The following TENM4 variants were observed in gnomAD, a reference collection of about 807,000 sequenced individuals.
TENM4 encodes the protein teneurin transmembrane protein 4.
Under a neutral mutation model 243.3 loss-of-function variants are expected in TENM4, and 82 were observed. That is an observed-to-expected ratio of 0.34 (90% CI 0.28 to 0.40). The LOEUF is 0.40. Among genes scored for constraint, TENM4 ranks in the 10% least tolerant of loss-of-function variants. TENM4 has a pLI of 1.00. For synonymous variants in TENM4, 1,412 were observed against 1,456.3 expected, an observed-to-expected ratio of 0.97 and a Z score of 0.69; for missense variants, 3,138 against 3,673.3, an observed-to-expected ratio of 0.85 and a Z score of 3.77.
intron 2 of TENM4, among the ~76,000 whole-genome samples, chr11:79,261,736 C>A (rs1025935240): frequency 6.6e-6 from 1 of 152,078 alleles, no homozygotes; most frequent in Non-Finnish European, 1.5e-5. Flanking sequence ...GAGATGAAAC[C>A]ATTTAAAAAG....
intron 6 of TENM4, among the ~76,000 whole-genome samples, chr11:79,026,206 C>T (rs948078596): frequency 3.1e-4 from 46 of 150,588 alleles, no homozygotes; most frequent in African/African-American, 9.7e-4. Context: ...GGGTATTCTA[C>T]CAGTCCTACA....
chr11:78,911,921 G>C (rs1349700939), intron 6 of TENM4, among the ~76,000 whole-genome samples: 1 of 152,222 alleles, frequency 6.6e-6, no homozygotes, highest in East Asian at 1.9e-4. Context: ...CTGAGTCTCA[G>C]GCAGTAGCCA....
At chr11:79,421,019 G>A (rs1858919814) in intron 1 of TENM4, among the ~76,000 whole-genome samples, 1 of 152,176 alleles carries the variant, frequency 6.6e-6, no homozygotes, top group African/African-American at 2.4e-5. Context: ...GTCGAGGAGT[G>A]CACAAAGGTA....
chr11:79,132,729 A>T (rs1591305401), intron 4 of TENM4, among the ~76,000 whole-genome samples: 1 of 152,210 alleles, frequency 6.6e-6, no homozygotes, highest in Admixed American at 6.5e-5. Flanking sequence ...AAATTAAATA[A>T]CCTGCCTCTG....
At chr11:79,004,374 C>T (rs1303421925) in intron 6 of TENM4, among the ~76,000 whole-genome samples, 1 of 152,028 alleles carries the variant, frequency 6.6e-6, no homozygotes, top group African/African-American at 2.4e-5. Context: ...CACTTTAAAT[C>T]GACTACACAA....
At chr11:79,283,255 C>A (rs945745770) in intron 2 of TENM4, among the ~76,000 whole-genome samples, 1 of 148,224 alleles carries the variant, frequency 6.7e-6, no homozygotes, top group Non-Finnish European at 1.5e-5. Flanking sequence ...CACACAAGTA[C>A]AGATGAATAT....
chr11:79,179,434 T>C (rs1863238711), intron 3 of TENM4, among the ~76,000 whole-genome samples: 1 of 152,330 alleles, frequency 6.6e-6, no homozygotes, highest in South Asian at 2.1e-4. Flanking sequence ...AAGTCAGAAA[T>C]CTTCACTATC....
chr11:79,012,455 A>T (rs1858670587), intron 6 of TENM4, among the ~76,000 whole-genome samples: 1 of 152,074 alleles, frequency 6.6e-6, no homozygotes, highest in Non-Finnish European at 1.5e-5. Flanking sequence ...CCCTCATTTG[A>T]TCTTTGTAAT....
At chr11:79,228,540 C>T (rs1267318654) in intron 2 of TENM4, among the ~76,000 whole-genome samples, 9 of 152,084 alleles carry the variant, frequency 5.9e-5, no homozygotes, top group South Asian at 2.1e-4. Context: ...TCAGACCTCA[C>T]GTGCCCACCC....
intron 15 of TENM4, among the ~76,000 whole-genome samples, chr11:78,787,491 T>C (rs1398527318): frequency 6.6e-6 from 1 of 152,150 alleles, no homozygotes; most frequent in African/African-American, 2.4e-5. Flanking sequence ...ACCAGTTATG[T>C]GTGAAAACAA....
In TENM4 at chr11:79,064,852, G is replaced by T; in HGVS notation, c.379C>A (p.His127Asn). ...CTCCGGCCCCACAGACGCACGGGGT[G>T]CTCAGGGGACAGCACCGTGTCAGCC... ...MEADTVLSPE[H>N]PVRLWGRSTR... is the part of the protein sequence containing the mutation. The change falls in exon 6 of 34, where the codon CAC becomes AAC. Residue 127 changes from histidine (H) to asparagine (N), a missense_variant. Around this residue, in one of 2 missense-constraint regions of TENM4, gnomAD observed 671 missense variants for 614.1 expected, o/e 1.09. Coordinates refer to ENST00000278550, the MANE Select transcript of TENM4 (RefSeq NM_001098816.3). The T allele has an allele frequency of 6.4e-7, 1 of 1,551,418 alleles. No individual in the cohort carries two copies. The highest frequency in any genetic ancestry group is 1.4e-5 in the African/African-American group (1 of 73,174).
At chr11:78,762,884 GA>G (rs201161790) in intron 18 of TENM4, among the ~76,000 whole-genome samples, 13 of 151,722 alleles carry the variant, frequency 8.6e-5, no homozygotes, top group African/African-American at 2.2e-4. Context: ...TCATTAAAAG[GA>G]AAAAAAAGCG....
At chr11:78,827,437 T>A (rs758086883) in intron 12 of TENM4, among the ~76,000 whole-genome samples, 1 of 152,112 alleles carries the variant, frequency 6.6e-6, no homozygotes, top group Admixed American at 6.5e-5. Context: ...TTCCCACTTA[T>A]CCGCTTGTCC....
intron 12 of TENM4, among the ~76,000 whole-genome samples, chr11:78,853,491 G>A (rs1858594067): frequency 2.0e-5 from 3 of 152,274 alleles, no homozygotes; most frequent in South Asian, 2.1e-4. Context: ...CTTCCACTGC[G>A]AGGGAGAGTG....
intron 3 of TENM4, among the ~76,000 whole-genome samples, chr11:79,209,443 A>G (rs1863913409): frequency 6.6e-6 from 1 of 152,206 alleles, no homozygotes; most frequent in Non-Finnish European, 1.5e-5. Context: ...GGTTCCCAGC[A>G]CAATCTGTGG....
rs199570715 is a variant in TENM4 at position 79,401,954 on chromosome 11, G to A, written c.-321+38555C>T. 2.7e-4 allele frequency: 84 copies of A among 314,804 alleles called. 1 individual carries two copies. The highest frequency in any genetic ancestry group is 4.5e-4 in the Non-Finnish European group (61 of 134,490). 19.5% of individuals were successfully genotyped at this position (314,804 alleles called of 1,614,324 possible). ...AGAGGGTCCTCAGGTGGTGGTTGAC[G>A]CCATGGGGATGGATGAGATCCCTCA... On this transcript the variant is annotated intron_variant, in intron 1 of 33. Transcript: ENST00000278550.
chr11:78,753,325 T>G (rs761338413), intron 19 of TENM4, among the ~76,000 whole-genome samples: 4 of 152,178 alleles, frequency 2.6e-5, no homozygotes, highest in Non-Finnish European at 5.9e-5. Context: ...TACACAAAGG[T>G]TAAATCATTT....
chr11:78,857,112 C>T (rs1291052023), intron 10 of TENM4, among the ~76,000 whole-genome samples: 2 of 152,204 alleles, frequency 1.3e-5, no homozygotes, highest in African/African-American at 4.8e-5. Context: ...TGCCAGACAT[C>T]AGCCTCCTGA....
At chr11:79,210,820 G>A (rs1185639750) in intron 3 of TENM4, among the ~76,000 whole-genome samples, 1 of 152,104 alleles carries the variant, frequency 6.6e-6, no homozygotes, top group African/African-American at 2.4e-5. Context: ...TACTTTATTT[G>A]CTAATGAATT....
Sources: gnomAD v4.1 joint callset for allele counts (sites outside exome capture counted in the v4.1 genomes callset) on GRCh38, gnomAD v4.1.1 for gene constraint, gnomAD v4.1.1 regional missense constraint, MANE v1.5 for transcripts, NCBI Gene and HGNC (gene_info 2026-07-23, HGNC 2026-07-21) for gene names.